KLRG1: variants seen among roughly 807,000 people sequenced by gnomAD.
KLRG1 encodes killer cell lectin-like receptor subfamily G member 1.
A neutral mutation model predicts 21.8 loss-of-function variants in KLRG1; 16 were observed. The ratio of observed to expected loss-of-function variants is 0.73; its 90% CI spans 0.50 to 1.11. The LOEUF (loss-of-function observed/expected upper bound fraction) is 1.11, where lower values mean the gene tolerates loss of function less well. Ranked by LOEUF, KLRG1 falls within the 50% of genes most tolerant of loss-of-function variation. The pLI, the probability that KLRG1 is intolerant of heterozygous loss-of-function variation, is 0.00. For synonymous variants in KLRG1, 69 were observed against 75.9 expected, an observed-to-expected ratio of 0.91 and a Z score of 0.47; for missense variants, 173 against 218.3, an observed-to-expected ratio of 0.79 and a Z score of 1.31.
At chr12:9,162,050 C>G in the KLRG1 span, among the ~76,000 whole-genome samples, 1 of 152,164 alleles carries the variant, frequency 6.6e-6, no homozygotes, top group Non-Finnish European at 1.5e-5. Context: ...CAACCTCCCC[C>G]TGCCCGGCTC....
the KLRG1 span, among the ~76,000 whole-genome samples, chr12:9,043,453 G>A: frequency 3.9e-5 from 6 of 152,262 alleles, no homozygotes; most frequent in South Asian, 1.2e-3. Flanking sequence ...TAGTACCTAA[G>A]GAAGTTCACC....
At chr12:8,995,972 G>A (rs1461189103) in intron 3 of KLRG1, among the ~76,000 whole-genome samples, 2 of 152,082 alleles carry the variant, frequency 1.3e-5, no homozygotes, top group African/African-American at 2.4e-5. Flanking sequence ...ATGAGCCACC[G>A]TGCCAGTCCT....
the KLRG1 span, among the ~76,000 whole-genome samples, chr12:9,075,180 T>TACTA: frequency 6.6e-6 from 1 of 152,068 alleles, no homozygotes; most frequent in Non-Finnish European, 1.5e-5. Context: ...TCACATGAAA[T>TACTA]AGTAGAGTTT....
At chr12:9,183,674 C>A in the KLRG1 span, among the ~76,000 whole-genome samples, 1 of 152,140 alleles carries the variant, frequency 6.6e-6, no homozygotes, top group African/African-American at 2.4e-5. Context: ...CAGGCAGCAG[C>A]CAATGTGCCC....
the KLRG1 span, chr12:9,165,376 G>A: frequency 1.9e-6 from 3 of 1,613,648 alleles, no homozygotes; most frequent in Admixed American, 1.7e-5. Context: ...AGCTGGGGAG[G>A]AGGGCAAGTG....
the KLRG1 span, among the ~76,000 whole-genome samples, chr12:9,025,302 T>C: frequency 0.31 from 47,727 of 152,000 alleles, 7,564 homozygotes; most frequent in Admixed American, 0.38. Context: ...ATTTTGTAAC[T>C]TGAGGTAACA....
intron 3 of KLRG1, among the ~76,000 whole-genome samples, chr12:9,004,232 C>T (rs150099044): frequency 2.0e-5 from 3 of 152,300 alleles, no homozygotes; most frequent in East Asian, 3.9e-4. Flanking sequence ...AATGGGATGG[C>T]AGGGTCAAAT....
chr12:9,201,300 T>C, the KLRG1 span: 1 of 1,513,100 alleles, frequency 6.6e-7, no homozygotes, highest in South Asian at 1.1e-5. Context: ...ACTAATTTCC[T>C]TATAAGATAC....
chr12:9,115,749 C>G, the KLRG1 span: 16 of 1,600,060 alleles, frequency 1.0e-5, no homozygotes, highest in Non-Finnish European at 1.4e-5. Context: ...TTCACGCTCT[C>G]TGTGTGGAAC....
chr12:9,152,732 C>G, the KLRG1 span: 1 of 1,329,412 alleles, frequency 7.5e-7, no homozygotes, highest in Non-Finnish European at 1.0e-6. Flanking sequence ...TTATATTAAT[C>G]TAATAACATA....
At chr12:8,974,568 T>G (rs1213562173) in intron 1 of KLRG1, among the ~76,000 whole-genome samples, 1 of 152,202 alleles carries the variant, frequency 6.6e-6, no homozygotes, top group Non-Finnish European at 1.5e-5. Context: ...TTTTTGAGAA[T>G]GTACATTATG....
chr12:9,128,144 A>G, the KLRG1 span: 1 of 189,854 alleles, frequency 5.3e-6, no homozygotes, highest in East Asian at 1.4e-4. Context: ...CCTGGAGAAG[A>G]ACCACAACGA....
the KLRG1 span, among the ~76,000 whole-genome samples, chr12:9,047,986 A>G: frequency 1.3e-5 from 2 of 152,230 alleles, no homozygotes; most frequent in Non-Finnish European, 2.9e-5. Flanking sequence ...CAGTAAGCAT[A>G]TAGTTGAATT....
the KLRG1 span, among the ~76,000 whole-genome samples, chr12:9,178,341 T>C: frequency 2.0e-5 from 3 of 152,200 alleles, no homozygotes; most frequent in African/African-American, 7.2e-5. Context: ...TCCCTGCCCC[T>C]TAGTCACCCA....
chr12:8,959,148 A>G (rs1192772764), intron 1 of KLRG1, among the ~76,000 whole-genome samples: 2 of 152,304 alleles, frequency 1.3e-5, no homozygotes, highest in African/African-American at 4.8e-5. Context: ...AAATTATGGT[A>G]GGGGCTTGAA....
rs748062828 is a variant in KLRG1 at position 9,003,846 on chromosome 12, C to T, written c.358-5129C>T. ...TTAGGTATATCTCCTAATGCTATCC[C>T]TCCCCCCTTCCCCCACCCCACAACT... On this transcript the variant is annotated intron_variant, in intron 3 of 4. Transcript: ENST00000356986. Among the ~76,000 whole-genome samples, 4 of 152,142 alleles carry T rather than the reference C, an allele frequency of 2.6e-5. No homozygotes were observed. In the South Asian group the frequency reaches 6.2e-4, roughly 24 times the overall value.
At chr12:9,013,576 G>A (rs976788716), downstream of KLRG1, among the ~76,000 whole-genome samples, 1 of 152,106 alleles carries the variant, frequency 6.6e-6, no homozygotes, top group Non-Finnish European at 1.5e-5. Flanking sequence ...CCATGTGGCC[G>A]GAGAGGCCTC....
chr12:9,097,632 C>CTTTT, the KLRG1 span, among the ~76,000 whole-genome samples: 4 of 127,104 alleles, frequency 3.1e-5, no homozygotes, highest in Non-Finnish European at 3.3e-5. Flanking sequence ...TGATGTAATT[C>CTTTT]TTTTTTTTTT....
At position 9,009,559 on chromosome 12, in the gene KLRG1, C is replaced by A. The variant is rs760071030; in HGVS notation, c.*22C>A. On this transcript the variant is annotated 3_prime_UTR_variant, in exon 5 of 5. Transcript: ENST00000356986. The stretch of plus-strand genomic sequence containing the variant: ...TTGATAGATGACCACTCTGTCCTGA[C>A]CCTCAGATCTGTCATGTATCCCTAA... 1 of 1,612,808 alleles carries A rather than the reference C, an allele frequency of 6.2e-7. No individual in the cohort carries two copies. The highest frequency in any genetic ancestry group is 8.5e-7 in the Non-Finnish European group (1 of 1,179,370).
Sources: gnomAD v4.1 joint callset for allele counts (sites outside exome capture counted in the v4.1 genomes callset) on GRCh38, gnomAD v4.1.1 for gene constraint, MANE v1.5 for transcripts, NCBI Gene and HGNC (gene_info 2026-07-23, HGNC 2026-07-21) for gene names.